The following HK1 variants were observed in gnomAD, a reference collection of about 807,000 sequenced individuals.
HK1 encodes the protein hexokinase 1, also known as hexokinase-1.
Under a neutral mutation model 91.6 loss-of-function variants are expected in HK1, and 28 were observed. The observed-to-expected ratio is 0.31, with a 90% confidence interval of 0.23 to 0.42. The LOEUF (loss-of-function observed/expected upper bound fraction) is 0.42. HK1 is among the 10% of genes least tolerant of loss of function. The pLI is 1.00. For synonymous variants in HK1, 430 were observed against 468.1 expected, an observed-to-expected ratio of 0.92 and a Z score of 1.05; for missense variants, 770 against 1,219.8, an observed-to-expected ratio of 0.63 and a Z score of 5.49.
intron 5 of HK1, among the ~76,000 whole-genome samples, chr10:69,302,916 G>A (rs1845951175): frequency 1.3e-5 from 2 of 151,956 alleles, no homozygotes; most frequent in African/African-American, 4.8e-5. Flanking sequence ...TTTCAGCAGA[G>A]GCGATGAGGG....
upstream of HK1, among the ~76,000 whole-genome samples, chr10:69,317,752 T>G (rs991858022): frequency 6.6e-6 from 1 of 152,242 alleles, no homozygotes; most frequent in Non-Finnish European, 1.5e-5. Context: ...GAGGCCTCAC[T>G]GAGCTTCAAT....
intron 1 of HK1, among the ~76,000 whole-genome samples, chr10:69,321,392 A>G (rs1398086595): frequency 3.3e-5 from 5 of 151,852 alleles, no homozygotes; most frequent in African/African-American, 1.2e-4. Flanking sequence ...TCCACGTACC[A>G]CTCACCATAG....
Position 69,364,813 on chromosome 10 carries a change from G to T in HK1, c.406G>T (p.Asp136Tyr). ...TGATCATGTTGCTGAGTGCCTGGGA[G>T]ATTTCATGGAGAAAAGGAAGATCAA... ...LFDHVAECLG[D>Y]FMEKRKIKDK... is the part of the protein sequence containing the mutation. Residue 136 changes from aspartate to tyrosine, a missense_variant, in exon 4 of 18, where the codon GAT becomes TAT. Asp to Tyr is a radical substitution (Grantham distance 160). This residue lies in a region of HK1 where 449 missense variants were observed against 665.1 expected (regional missense o/e 0.68). Transcript: ENST00000359426. 1 of 1,614,196 alleles carries T rather than the reference G, an allele frequency of 6.2e-7. No homozygotes were observed. The highest frequency in any genetic ancestry group is 8.5e-7 in the Non-Finnish European group (1 of 1,180,044).
chr10:69,398,779 C>G lies in HK1; in HGVS notation c.2560C>G (p.Leu854Val), dbSNP rs776178081. Residue 854 changes from leucine to valine, a missense_variant, in exon 17 of 18, where the codon CTG (leucine) becomes GTG (valine). Transcript: ENST00000359426. Reference sequence around the variant, plus strand: ...CCGCGAGAACAGAGGACTGGACCGTCTGAATGTGACTGTGGGAGTGGACGG... The same window carrying G: ...CCGCGAGAACAGAGGACTGGACCGTGTGAATGTGACTGTGGGAGTGGACGG... Reference protein sequence around the residue: ...KIRENRGLDRLNVTVGVDGTL... With the variant: ...KIRENRGLDRVNVTVGVDGTL... 7.4e-6 allele frequency: 12 copies of G among 1,613,948 alleles called. No individual in the cohort carries two copies. In the African/African-American group the frequency reaches 1.6e-4, roughly 22 times the overall value.
Position 69,376,974 on chromosome 10 carries a change from G to T in HK1, c.916G>T (p.Val306Phe), listed in dbSNP as rs2132855028. ...MVSGMYLGELVRLILVKMAKE... is the reference protein window; with the variant it reads ...MVSGMYLGELFRLILVKMAKE... ...CAGTGGCATGTACTTGGGAGAGCTG[G>T]TTCGACTGATCCTAGTCAAGATGGC... Residue 306 changes from valine (V) to phenylalanine (F), a missense_variant, in exon 8 of 18, where the codon GTT becomes TTT. By Grantham distance (50) the Val-to-Phe change is conservative. Transcript: ENST00000359426. 7 of 1,614,180 alleles carry T rather than the reference G, an allele frequency of 4.3e-6. No individual in the cohort carries two copies. Among genetic ancestry groups the T allele is most frequent in the Non-Finnish European group, 5.9e-6 (7 of 1,180,042 alleles).
chr10:69,326,309 G>T (rs1350334398), intron 1 of HK1, among the ~76,000 whole-genome samples: 1 of 152,040 alleles, frequency 6.6e-6, no homozygotes, highest in Admixed American at 6.6e-5. Flanking sequence ...TCTTTCAAAA[G>T]CCTCAGCGAG....
At chr10:69,335,260 G>C (rs1847920399) in intron 1 of HK1, among the ~76,000 whole-genome samples, 1 of 152,196 alleles carries the variant, frequency 6.6e-6, no homozygotes. Context: ...ACCACGGTGC[G>C]GGCCCAGGCT....
rs1839326974 is a variant in HK1 at position 69,380,324 on chromosome 10, GA to G, written c.1265+233del. On this transcript the variant is annotated intron_variant, in intron 9 of 17. Transcript: ENST00000359426. The surrounding 1 kb of genome is among the most constrained non-coding windows in gnomAD (Gnocchi z 4.0). ...TAAGACCTCATCTTTACGAAAAATT[GA>G]AAATAAATAAATAGATAAATAACAT... Among the ~76,000 whole-genome samples, 1 of 152,158 alleles carries G rather than the reference GA, an allele frequency of 6.6e-6. No individual in the cohort carries two copies. The highest frequency in any genetic ancestry group is 2.4e-5 in the African/African-American group (1 of 41,440).
intron 3 of HK1, among the ~76,000 whole-genome samples, chr10:69,361,549 A>G (rs1310102564): frequency 6.6e-6 from 1 of 152,150 alleles, no homozygotes; most frequent in Non-Finnish European, 1.5e-5. Flanking sequence ...CTGTGCTGCA[A>G]ACATTCCCTG....
intron 4 of HK1, among the ~76,000 whole-genome samples, chr10:69,367,182 G>A (rs1256828168): frequency 6.6e-6 from 1 of 152,162 alleles, no homozygotes; most frequent in Admixed American, 6.5e-5. Context: ...CAGAGGTGGG[G>A]GGTGTCCACC....
intron 2 of HK1, among the ~76,000 whole-genome samples, chr10:69,287,718 T>G (rs1232922124): frequency 6.6e-6 from 1 of 152,168 alleles, no homozygotes; most frequent in Admixed American, 6.5e-5. Flanking sequence ...AGAAAACCAC[T>G]GAATTATACA....
chr10:69,379,732 A>G (rs1023687418), intron 8 of HK1, 130 bp from the exon 9 acceptor site: 3 of 696,022 alleles, frequency 4.3e-6, no homozygotes, highest in African/African-American at 3.6e-5. Flanking sequence ...GACAGTCTTC[A>G]TCCCATACCA....
At chr10:69,273,265 G>C (rs1043557619) in intron 1 of HK1, among the ~76,000 whole-genome samples, 1 of 151,956 alleles carries the variant, frequency 6.6e-6, no homozygotes, top group African/African-American at 2.4e-5. Context: ...ACACAGGCTG[G>C]AGTGCAGTGG....
intron 2 of HK1, among the ~76,000 whole-genome samples, chr10:69,353,433 A>G (rs1848980516): frequency 6.6e-6 from 1 of 152,014 alleles, no homozygotes; most frequent in South Asian, 2.1e-4. Context: ...TACACAAAAT[A>G]CAAAAAAAAG....
chr10:69,384,736 T>G (rs746695832), intron 11 of HK1, 60 bp from the exon 12 acceptor site: 105 of 1,612,024 alleles, frequency 6.5e-5, no homozygotes, highest in Non-Finnish European at 8.1e-5. Flanking sequence ...CTTTGGTCCA[T>G]GTGCACTGAT....
intron 10 of HK1, 78 bp from the exon 11 acceptor site, chr10:69,384,255 G>A (rs1839526466): frequency 2.6e-6 from 4 of 1,558,122 alleles, no homozygotes; most frequent in Non-Finnish European, 3.5e-6. Flanking sequence ...CCCCTTGAAA[G>A]TCTGGAGTCT....
At chr10:69,348,126 C>T (rs185703733) in intron 2 of HK1, among the ~76,000 whole-genome samples, 248 of 152,140 alleles carry the variant, frequency 1.6e-3, no homozygotes, top group African/African-American at 5.8e-3. Context: ...AAATAGGAAT[C>T]GATACTTCTT....
intron 2 of HK1, among the ~76,000 whole-genome samples, chr10:69,358,251 T>A (rs1024777098): frequency 1.3e-5 from 2 of 152,142 alleles, no homozygotes; most frequent in Admixed American, 6.5e-5. Context: ...TGAGGATAAC[T>A]AATGAGATGA....
chr10:69,303,739 G>A (rs1845983160), intron 5 of HK1, among the ~76,000 whole-genome samples: 1 of 152,220 alleles, frequency 6.6e-6, no homozygotes, highest in Non-Finnish European at 1.5e-5. Context: ...TGCCTAGACA[G>A]AGCTGATTCA....
Sources: gnomAD v4.1 joint callset for allele counts (sites outside exome capture counted in the v4.1 genomes callset) on GRCh38, gnomAD v4.1.1 for gene constraint, gnomAD v4.1.1 regional missense constraint, Gnocchi (gnomAD v3.1) non-coding constraint, MANE v1.5 for transcripts, NCBI Gene and HGNC (gene_info 2026-07-23, HGNC 2026-07-21) for gene names.